The following DLGAP2 variants were observed in gnomAD, a reference collection of about 807,000 sequenced individuals.
DLGAP2 encodes disks large-associated protein 2.
DLGAP2 carries 26 observed loss-of-function variants against 100.3 expected under a neutral mutation model. The ratio of observed to expected loss-of-function variants is 0.26; its 90% confidence interval spans 0.19 to 0.36. The LOEUF (loss-of-function observed/expected upper bound fraction) is 0.36. Ranked by LOEUF, DLGAP2 falls within the 10% of genes least tolerant of loss-of-function variation. DLGAP2 has a pLI of 1.00. For synonymous variants in DLGAP2, 886 were observed against 630.1 expected (o/e 1.41, Z -6.08); for missense variants, 1,858 against 1,453.2 (o/e 1.28, Z -4.53).
chr8:785,223 A>T (rs1308930532), intron 1 of DLGAP2, among the ~76,000 whole-genome samples: 62 of 31,092 alleles, frequency 2.0e-3, no homozygotes, highest in African/African-American at 0.012. Context: ...CTCCGCCTCA[A>T]AAAAAAAAAA....
chr8:1,154,977 C>T (rs904956920), intron 2 of DLGAP2, among the ~76,000 whole-genome samples: 2 of 152,232 alleles, frequency 1.3e-5, no homozygotes, highest in Admixed American at 6.5e-5. Flanking sequence ...ACGTGAATGG[C>T]TACTTCTTCC....
intron 3 of DLGAP2, among the ~76,000 whole-genome samples, chr8:1,298,600 C>T (rs566074203): frequency 9.6e-4 from 146 of 152,018 alleles, no homozygotes; most frequent in Middle Eastern, 3.4e-3. Flanking sequence ...CAGTCCTGCC[C>T]GTCCACATGT....
At chr8:844,126 AGTATTC>A (rs1429469095) in intron 1 of DLGAP2, among the ~76,000 whole-genome samples, 1 of 152,238 alleles carries the variant, frequency 6.6e-6, no homozygotes, top group Non-Finnish European at 1.5e-5. Flanking sequence ...CACAGTGAAG[AGTATTC>A]GTCAGCTCTG....
chr8:1,456,963 G>A (rs1377663198), intron 3 of DLGAP2, among the ~76,000 whole-genome samples: 4 of 152,222 alleles, frequency 2.6e-5, no homozygotes, highest in Non-Finnish European at 2.9e-5. Context: ...GCACACTAAT[G>A]AGCGCTGGCG....
chr8:1,573,592 C>G (rs1007801909), intron 6 of DLGAP2, among the ~76,000 whole-genome samples: 12 of 149,278 alleles, frequency 8.0e-5, no homozygotes, highest in African/African-American at 2.9e-4. Flanking sequence ...ATAATAACAG[C>G]TCGTTTATTC....
intron 1 of DLGAP2, among the ~76,000 whole-genome samples, chr8:744,470 C>T (rs985981134): frequency 6.6e-6 from 1 of 152,168 alleles, no homozygotes; most frequent in Non-Finnish European, 1.5e-5. Flanking sequence ...GCCCAACCTG[C>T]GTCCCTCCCT....
chr8:1,040,586 G>A (rs982977554), intron 2 of DLGAP2, among the ~76,000 whole-genome samples: 11 of 132,002 alleles, frequency 8.3e-5, no homozygotes, highest in African/African-American at 2.3e-4. Flanking sequence ...TTCCGTGGTC[G>A]GCTCAGTGTG....
intron 3 of DLGAP2, among the ~76,000 whole-genome samples, chr8:1,370,342 C>G (rs1399017401): frequency 6.6e-6 from 1 of 152,138 alleles, no homozygotes; most frequent in Non-Finnish European, 1.5e-5. Context: ...CCTTGCTCTC[C>G]CTGGGCAGGT....
intron 3 of DLGAP2, among the ~76,000 whole-genome samples, chr8:1,408,154 C>G (rs757226661): frequency 2.0e-5 from 3 of 152,232 alleles, no homozygotes; most frequent in Admixed American, 6.5e-5. Flanking sequence ...CTCTTTCTTT[C>G]CAGCATCTCC....
At chr8:1,131,207 G>A (rs1018695215) in intron 2 of DLGAP2, among the ~76,000 whole-genome samples, 9 of 152,106 alleles carry the variant, frequency 5.9e-5, no homozygotes, top group South Asian at 4.1e-4. Context: ...CCCATTAGTA[G>A]CCACTCAGAG....
intron 2 of DLGAP2, among the ~76,000 whole-genome samples, chr8:1,013,189 T>C (rs1250217757): frequency 1.3e-5 from 2 of 152,194 alleles, no homozygotes; most frequent in Non-Finnish European, 2.9e-5. Flanking sequence ...GTATCAATAG[T>C]CAAGGGCTAT....
chr8:1,547,022 G>C (rs1584912933), intron 4 of DLGAP2, among the ~76,000 whole-genome samples: 1 of 152,174 alleles, frequency 6.6e-6, no homozygotes, highest in Non-Finnish European at 1.5e-5. Flanking sequence ...GCAAGGCCGA[G>C]TGGTGTGGAG....
At chr8:1,448,877 A>G (rs1412508960) in intron 3 of DLGAP2, among the ~76,000 whole-genome samples, 1 of 152,208 alleles carries the variant, frequency 6.6e-6, no homozygotes, top group Non-Finnish European at 1.5e-5. Context: ...CTGACCCATA[A>G]TAGCATGTCA....
At chr8:1,663,297 G>A (rs1798461155) in intron 8 of DLGAP2, among the ~76,000 whole-genome samples, 1 of 152,072 alleles carries the variant, frequency 6.6e-6, no homozygotes, top group Non-Finnish European at 1.5e-5. Context: ...GAAATGAAGG[G>A]GTGGTGGCAA....
intron 2 of DLGAP2, among the ~76,000 whole-genome samples, chr8:1,080,606 G>C (rs1402272650): frequency 6.6e-6 from 1 of 152,168 alleles, no homozygotes; most frequent in East Asian, 1.9e-4. Flanking sequence ...TTTTGAGTAA[G>C]GGACTCATCA....
At chr8:912,860 C>T (rs927214770) in intron 2 of DLGAP2, among the ~76,000 whole-genome samples, 13 of 146,414 alleles carry the variant, frequency 8.9e-5, no homozygotes, top group Middle Eastern at 3.7e-3. Flanking sequence ...CCCCGCACCA[C>T]GGTGCCCGCC....
At chr8:785,012 C>A (rs1266716559) in intron 1 of DLGAP2, among the ~76,000 whole-genome samples, 3 of 151,822 alleles carry the variant, frequency 2.0e-5, no homozygotes, top group African/African-American at 4.8e-5. Context: ...TCGAGACCAT[C>A]CTGGCTAACA....
intron 2 of DLGAP2, among the ~76,000 whole-genome samples, chr8:981,363 G>C (rs1293425834): frequency 6.6e-6 from 1 of 152,046 alleles, no homozygotes; most frequent in East Asian, 1.9e-4. Context: ...TGTCTATTGT[G>C]CTATTGTGAA....
At chr8:1,658,540 G>A (rs982239680) in intron 8 of DLGAP2, among the ~76,000 whole-genome samples, 1 of 152,114 alleles carries the variant, frequency 6.6e-6, no homozygotes, top group Admixed American at 6.5e-5. Context: ...GCTCTATTCA[G>A]GGATTCCACT....
Sources: gnomAD v4.1 joint callset for allele counts (sites outside exome capture counted in the v4.1 genomes callset) on GRCh38, gnomAD v4.1.1 for gene constraint, MANE v1.5 for transcripts, NCBI Gene and HGNC (gene_info 2026-07-23, HGNC 2026-07-21) for gene names.